The following MIR2052HG variants were observed in gnomAD, a reference collection of about 807,000 sequenced individuals.
The protein encoded by MIR2052HG is MIR2052 host gene.
intron 2 of MIR2052HG, among the ~76,000 whole-genome samples, chr8:74,645,372 G>T (rs1428722790): frequency 1.3e-5 from 2 of 150,894 alleles, no homozygotes; most frequent in African/African-American, 4.9e-5. Context: ...CACAACCTCC[G>T]CCTCCCAGGT....
At chr8:74,649,646 T>C (rs1210973088) in intron 2 of MIR2052HG, among the ~76,000 whole-genome samples, 1 of 152,184 alleles carries the variant, frequency 6.6e-6, no homozygotes, top group African/African-American at 2.4e-5. Flanking sequence ...CATTTTTAAA[T>C]ATTTTGTGTT....
chr8:74,617,379 A>G (rs1808298289), intron 2 of MIR2052HG, among the ~76,000 whole-genome samples: 2 of 152,116 alleles, frequency 1.3e-5, no homozygotes. Flanking sequence ...TACTTAGGAT[A>G]ATGGCCTCAA....
chr8:74,665,995 C>T (rs1172794470), intron 2 of MIR2052HG, among the ~76,000 whole-genome samples: 1 of 152,324 alleles, frequency 6.6e-6, no homozygotes, highest in East Asian at 1.9e-4. Flanking sequence ...ACTGTGAGAT[C>T]ATTAAGCCTC....
chr8:74,714,698 C>CT (rs10715580), intron 4 of MIR2052HG, among the ~76,000 whole-genome samples: 1,411 of 124,448 alleles, frequency 0.011, 8 homozygotes, highest in African/African-American at 0.017. Flanking sequence ...CTTTTTCCTT[C>CT]TTTTTTTTTT....
chr8:74,739,888 G>T (rs767947552), intron 4 of MIR2052HG, among the ~76,000 whole-genome samples: 29 of 152,136 alleles, frequency 1.9e-4, no homozygotes, highest in East Asian at 1.9e-4. Context: ...GTTCAGGGAG[G>T]GGAATAGTAT....
chr8:74,674,991 CAGT>C (rs1451898272), intron 2 of MIR2052HG, among the ~76,000 whole-genome samples: 1 of 151,910 alleles, frequency 6.6e-6, no homozygotes, highest in Admixed American at 6.6e-5. Flanking sequence ...GTTCTAATTG[CAGT>C]AGAAAATTTT....
chr8:74,667,989 T>G (rs1808949376), intron 2 of MIR2052HG, among the ~76,000 whole-genome samples: 1 of 149,138 alleles, frequency 6.7e-6, no homozygotes, highest in African/African-American at 2.5e-5. Flanking sequence ...ATGATAAAAA[T>G]GAGATTGTAG....
intron 4 of MIR2052HG, among the ~76,000 whole-genome samples, chr8:74,708,635 A>G (rs1156711988): frequency 6.6e-6 from 1 of 152,134 alleles, no homozygotes; most frequent in Non-Finnish European, 1.5e-5. Context: ...AACAAAACTT[A>G]GTTGAACATT....
chr8:74,674,059 A>G (rs1346767495), intron 2 of MIR2052HG, among the ~76,000 whole-genome samples: 1 of 151,450 alleles, frequency 6.6e-6, no homozygotes, highest in Admixed American at 6.6e-5. Flanking sequence ...TCAGTATAAT[A>G]TGTTATCCTA....
chr8:74,666,327 A>G (rs1260262999), intron 2 of MIR2052HG, among the ~76,000 whole-genome samples: 10 of 152,248 alleles, frequency 6.6e-5, no homozygotes, highest in African/African-American at 2.4e-4. Context: ...GCACTTAAAA[A>G]TAAAAGCCCT....
intron 2 of MIR2052HG, among the ~76,000 whole-genome samples, chr8:74,613,150 A>G (rs1354902283): frequency 6.6e-6 from 1 of 152,188 alleles, no homozygotes; most frequent in African/African-American, 2.4e-5. Flanking sequence ...TTGAGGCTGA[A>G]AGAATTGGAG....
intron 2 of MIR2052HG, among the ~76,000 whole-genome samples, chr8:74,682,388 T>C (rs1809135202): frequency 2.0e-5 from 3 of 152,058 alleles, no homozygotes; most frequent in Non-Finnish European, 4.4e-5. Context: ...TTCTGAGATA[T>C]ATAACTGAAA....
intron 4 of MIR2052HG, among the ~76,000 whole-genome samples, chr8:74,733,527 T>A (rs1252665367): frequency 6.7e-6 from 1 of 149,200 alleles, no homozygotes; most frequent in African/African-American, 2.5e-5. Flanking sequence ...TTGTGAATAG[T>A]GCTGCAATAA....
At chr8:74,708,923 G>A (rs1255436515) in intron 4 of MIR2052HG, among the ~76,000 whole-genome samples, 12 of 152,002 alleles carry the variant, frequency 7.9e-5, no homozygotes, top group Middle Eastern at 3.4e-3. Context: ...AATGAGTCCC[G>A]CTTATGGCTT....
intron 2 of MIR2052HG, among the ~76,000 whole-genome samples, chr8:74,619,399 T>C (rs1313389424): frequency 1.3e-5 from 2 of 152,302 alleles, no homozygotes; most frequent in African/African-American, 2.4e-5. Flanking sequence ...CAAAACAGCA[T>C]GGTACTGGCA....
intron 2 of MIR2052HG, among the ~76,000 whole-genome samples, chr8:74,669,600 G>A (rs972760576): frequency 3.9e-5 from 6 of 152,010 alleles, no homozygotes; most frequent in South Asian, 4.2e-4. Context: ...CTCTACTTAC[G>A]TATCTCATGA....
chr8:74,747,199 G>A (rs1019875637), intron 4 of MIR2052HG, among the ~76,000 whole-genome samples: 1 of 152,150 alleles, frequency 6.6e-6, no homozygotes, highest in African/African-American at 2.4e-5. Flanking sequence ...ATGAGTATGT[G>A]ACATTTGGGA....
At chr8:74,753,304 T>C (rs1809967293) in intron 5 of MIR2052HG, among the ~76,000 whole-genome samples, 1 of 152,238 alleles carries the variant, frequency 6.6e-6, no homozygotes, top group Non-Finnish European at 1.5e-5. Context: ...GTATACATTA[T>C]ATAGTCTTTG....
rs569840879 is a variant in MIR2052HG at position 74,601,678 on chromosome 8, T to G, written n.128+1770T>G. Among the ~76,000 whole-genome samples the G allele has an allele frequency of 4.5e-4, 68 of 152,332 alleles. 1 individual carries two copies. The South Asian group carries it at 0.014, about 31-fold the overall frequency. On this transcript the variant is annotated intron_variant and non_coding_transcript_variant, in intron 1 of 6. Coordinates refer to ENST00000523442, the Ensembl canonical transcript of MIR2052HG. ...CACTAAATCATAGCATATTTTAGGA[T>G]AAGAGCTCAGTATTACTATTTTTTG... is the stretch of plus-strand genomic sequence containing the variant.
Sources: allele counts gnomAD v4.1 joint callset (sites outside exome capture counted in the v4.1 genomes callset), GRCh38; gene constraint gnomAD v4.1.1; transcripts MANE v1.5; gene names NCBI Gene and HGNC (gene_info 2026-07-23, HGNC 2026-07-21).